PRPF6: variants seen among roughly 807,000 people sequenced by gnomAD.
PRPF6 encodes pre-mRNA processing factor 6.
Under a neutral mutation model 118.3 loss-of-function variants are expected in PRPF6, and 42 were observed. That is an observed-to-expected ratio of 0.35 (90% CI 0.28 to 0.46). PRPF6 has a LOEUF of 0.46. Among genes scored for constraint, PRPF6 ranks in the 20% least tolerant of loss-of-function variants. The probability of loss-of-function intolerance (pLI) is 1.00; values close to 1 mark genes in which losing one functional copy is unlikely to be tolerated. For missense variants in PRPF6, 662 were observed against 1,255.7 expected, an observed-to-expected ratio of 0.53 and a Z score of 7.15; for synonymous variants, 481 against 485.1, an observed-to-expected ratio of 0.99 and a Z score of 0.11.
intron 12 of PRPF6, among the ~76,000 whole-genome samples, chr20:64,018,242 G>GA (rs1417478638): frequency 1.3e-5 from 2 of 152,172 alleles, no homozygotes; most frequent in Non-Finnish European, 2.9e-5. Context: ...TTTAGCAGAA[G>GA]AAAAAACCAA....
Position 64,031,687 on chromosome 20 carries a change from A to C in PRPF6, c.2547-231A>C, listed in dbSNP as rs528126591. Among the ~76,000 whole-genome samples, 762 of 149,248 alleles carry C rather than the reference A, an allele frequency of 5.1e-3. 2 individuals carry two copies. The highest frequency in any genetic ancestry group is 7.8e-3 in the Non-Finnish European group (530 of 67,696). Reference sequence around the variant, plus strand: ...GACTCCTTCTCAAAAAAAAAAAAAAAAAAACAACAAAAAAAAACCAATTTG... The same window carrying C: ...GACTCCTTCTCAAAAAAAAAAAAAACAAAACAACAAAAAAAAACCAATTTG... On this transcript the variant is annotated intron_variant, in intron 19 of 20. Coordinates refer to ENST00000266079, the MANE Select transcript of PRPF6 (RefSeq NM_012469.4).
chr20:64,001,677 C>G (rs139836209), intron 9 of PRPF6, among the ~76,000 whole-genome samples: 1 of 152,204 alleles, frequency 6.6e-6, no homozygotes, highest in Non-Finnish European at 1.5e-5. Flanking sequence ...CAGAGCCACA[C>G]GTTGATTGAA....
Position 64,032,847 on chromosome 20 carries a change from C to G in PRPF6, c.2680C>G (p.Gln894Glu), listed in dbSNP as rs766800672. The G allele has an allele frequency of 1.9e-6, 3 of 1,608,982 alleles. No individual in the cohort carries two copies. Among genetic ancestry groups the G allele is most frequent in the Non-Finnish European group, 2.5e-6 (3 of 1,178,386 alleles). ...FELQHGTEEQ[Q>E]EEVRKRCESA... ...TGCCCTGTGGTCCCCCCAGGAGCAGCAGGAGGAGGTGAGGAAGCGCTGTGA... is the reference window on the plus strand; with the variant it reads ...TGCCCTGTGGTCCCCCCAGGAGCAGGAGGAGGAGGTGAGGAAGCGCTGTGA... Residue 894 changes from glutamine to glutamate, a missense_variant, in exon 21 of 21, where the codon CAG (glutamine) becomes GAG (glutamate). Transcript: ENST00000266079.
At chr20:63,986,678 C>T (rs1259918727) in intron 3 of PRPF6, among the ~76,000 whole-genome samples, 19 of 151,334 alleles carry the variant, frequency 1.3e-4, no homozygotes, top group African/African-American at 2.4e-4. Flanking sequence ...TTAGTAGAGA[C>T]GGGATTTCAC....
chr20:64,017,223 G>C (rs947129068), intron 12 of PRPF6, among the ~76,000 whole-genome samples: 1 of 151,298 alleles, frequency 6.6e-6, no homozygotes, highest in Non-Finnish European at 1.5e-5. Context: ...GATCACAGGC[G>C]TGAGCCACCG....
At chr20:64,020,136 C>T (rs1335064957) in intron 12 of PRPF6, among the ~76,000 whole-genome samples, 5 of 152,198 alleles carry the variant, frequency 3.3e-5, no homozygotes, top group Admixed American at 6.5e-5. Flanking sequence ...TTTCAGCGGC[C>T]GGGCGCAGTG....
chr20:63,995,868 G>C (rs2059139177), intron 6 of PRPF6, among the ~76,000 whole-genome samples: 1 of 151,994 alleles, frequency 6.6e-6, no homozygotes, highest in Non-Finnish European at 1.5e-5. Flanking sequence ...TGTTGGCCAG[G>C]CTGGTCTTGA....
Position 63,995,352 on chromosome 20 carries a change from A to G in PRPF6, c.641A>G (p.Tyr214Cys). 1.9e-6 allele frequency: 3 copies of G among 1,613,524 alleles called. No homozygotes were observed. Among genetic ancestry groups the G allele is most frequent in the East Asian group, 2.2e-5 (1 of 44,876 alleles). Reference protein sequence around the residue: ...QTQFGGLNTPYPGGLNTPYPG... With the variant: ...QTQFGGLNTPCPGGLNTPYPG... ...CAATTTGGAGGTCTTAACACACCCTATCCAGGTGGACTAAACACTCCATAC... is the reference window on the plus strand; with the variant it reads ...CAATTTGGAGGTCTTAACACACCCTGTCCAGGTGGACTAAACACTCCATAC... Residue 214 changes from tyrosine (Y) to cysteine (C), a missense_variant, in exon 6 of 21, where the codon TAT (tyrosine) becomes TGT (cysteine). Transcript: ENST00000266079.
chr20:63,998,835 C>G (rs1335714193), intron 6 of PRPF6, among the ~76,000 whole-genome samples: 1 of 146,510 alleles, frequency 6.8e-6, no homozygotes, highest in Non-Finnish European at 1.5e-5. Flanking sequence ...GAGCGAGACT[C>G]CATCTCAAAA....
chr20:63,999,518 A>T (rs1026481315), intron 7 of PRPF6, 85 bp from the exon 8 acceptor site: 4 of 1,535,826 alleles, frequency 2.6e-6, no homozygotes, highest in African/African-American at 1.4e-5. Context: ...TTACATTGTG[A>T]CTGTGAAGTG....
At chr20:64,013,002 G>C (rs901242542) in intron 11 of PRPF6, among the ~76,000 whole-genome samples, 4 of 149,566 alleles carry the variant, frequency 2.7e-5, no homozygotes, top group Non-Finnish European at 5.9e-5. Context: ...TGTCACCCAG[G>C]CTAGAGGGCT....
At chr20:63,982,016 A>C (rs2059071390) in intron 1 of PRPF6, among the ~76,000 whole-genome samples, 1 of 152,104 alleles carries the variant, frequency 6.6e-6, no homozygotes, top group South Asian at 2.1e-4. Context: ...GAGTTCAAAA[A>C]AAGTGAGGCA....
Position 64,019,891 on chromosome 20 carries a change from A to G in PRPF6, c.1648-2866A>G, listed in dbSNP as rs1342767007. Among the ~76,000 whole-genome samples the G allele has an allele frequency of 2.0e-5, 3 of 152,140 alleles. No individual in the cohort carries two copies. In the East Asian group the frequency reaches 5.8e-4, roughly 29 times the overall value. The stretch of plus-strand genomic sequence containing the variant: ...CTCCTCGTCCTCCTGACCCATTTTC[A>G]TGCTGGGGCTCCTTAACTGGGAGGC... On this transcript the variant is annotated intron_variant, in intron 12 of 20. Coordinates refer to ENST00000266079, the MANE Select transcript of PRPF6 (RefSeq NM_012469.4).
Position 64,029,524 on chromosome 20 carries a change from C to CGG in PRPF6, c.2546+36_2546+37dup, listed in dbSNP as rs2059305488. ...GGGCCCCCACAGGATTGCTGAACCT[C>CGG]GGGGTCCTAATGGGCTCTTTTTCCA... is the stretch of plus-strand genomic sequence containing the variant. On this transcript the variant is annotated intron_variant, in intron 19 of 20. Coordinates refer to ENST00000266079, the MANE Select transcript of PRPF6 (RefSeq NM_012469.4). This position sits in a 1 kb window ranked among gnomAD's most constrained non-coding sequence, Gnocchi z 4.8. 2 of 1,569,094 alleles carry CGG rather than the reference C, an allele frequency of 1.3e-6. No individual in the cohort carries two copies. The highest frequency in any genetic ancestry group is 1.8e-6 in the Non-Finnish European group (2 of 1,139,778).
Position 64,028,421 on chromosome 20 carries a change from C to T in PRPF6, c.2340-57C>T. 6.3e-7 allele frequency: 1 copy of T among 1,581,134 alleles called. No homozygotes were observed. Among genetic ancestry groups the T allele is most frequent in the Non-Finnish European group, 8.7e-7 (1 of 1,150,974 alleles). On this transcript the variant is annotated intron_variant, in intron 17 of 20. Coordinates refer to ENST00000266079, the MANE Select transcript of PRPF6 (RefSeq NM_012469.4). This position sits in a 1 kb window ranked among gnomAD's most constrained non-coding sequence, Gnocchi z 6.5. ...TTCAGACAAGGCTTCCCAGAAGCTA[C>T]CAGAATATGTGCTGTTGGTAGACGG...
intron 9 of PRPF6, among the ~76,000 whole-genome samples, 199 bp downstream of exon 9, chr20:64,001,438 G>A (rs548326274): frequency 1.3e-5 from 2 of 152,310 alleles, no homozygotes; most frequent in South Asian, 4.1e-4. Context: ...TCCCATCCTG[G>A]AAGGGATGCT....
chr20:64,031,772 C>A, intron 19 of PRPF6, 146 bp from the exon 20 acceptor site: 2 of 1,053,606 alleles, frequency 1.9e-6, no homozygotes, highest in Non-Finnish European at 3.0e-6. Context: ...TCTGGATCAG[C>A]CGAGGCCCTG....
At position 63,988,193 on chromosome 20, in the gene PRPF6, G is replaced by A. The variant is rs6011246; in HGVS notation, c.359+3168G>A. 8.6e-3 allele frequency among the ~76,000 whole-genome samples: 1,305 copies of A among 152,132 alleles called. 21 individuals are homozygous for A. Among genetic ancestry groups the A allele is most frequent in the African/African-American group, 0.03 (1,238 of 41,498 alleles). ...AAATTAGCTGGGTGTAGTGGCACAC[G>A]TCTGTAATCCCAGCTACTCAGGAGG... On this transcript the variant is annotated intron_variant, in intron 3 of 20. Transcript: ENST00000266079.
intron 3 of PRPF6, among the ~76,000 whole-genome samples, chr20:63,991,859 G>A (rs2059120178): frequency 6.6e-6 from 1 of 152,128 alleles, no homozygotes; most frequent in Non-Finnish European, 1.5e-5. Context: ...AAACAAGTAG[G>A]AAGAACAGTA....
Sources: gnomAD v4.1 joint callset for allele counts (sites outside exome capture counted in the v4.1 genomes callset) on GRCh38, gnomAD v4.1.1 for gene constraint, Gnocchi (gnomAD v3.1) non-coding constraint, MANE v1.5 for transcripts, NCBI Gene and HGNC (gene_info 2026-07-23, HGNC 2026-07-21) for gene names.